The following PRKCH variants were observed in gnomAD, a reference collection of about 807,000 sequenced individuals.
The protein encoded by PRKCH is protein kinase C eta.
PRKCH carries 28 observed loss-of-function variants against 82.5 expected under a neutral mutation model. The observed-to-expected ratio is 0.34, with a 90% confidence interval of 0.25 to 0.47. The LOEUF (loss-of-function observed/expected upper bound fraction) is 0.47, where lower values mean the gene tolerates loss of function less well. PRKCH is among the 20% of genes least tolerant of loss of function. PRKCH has a pLI of 1.00. For synonymous variants in PRKCH, 322 were observed against 327.4 expected (o/e 0.98, Z 0.18); for missense variants, 705 against 881.8 (o/e 0.80, Z 2.54).
At chr14:61,384,298 G>T (rs924915041) in intron 1 of PRKCH, among the ~76,000 whole-genome samples, 1 of 152,184 alleles carries the variant, frequency 6.6e-6, no homozygotes, top group Non-Finnish European at 1.5e-5. Context: ...CCCTTAGAGA[G>T]AATCTGGCTC....
chr14:61,432,316 C>T (rs1461725267), intron 2 of PRKCH, among the ~76,000 whole-genome samples: 2 of 152,076 alleles, frequency 1.3e-5, no homozygotes, highest in Admixed American at 1.3e-4. Context: ...TATTTACTTA[C>T]ATGTTTATAA....
intron 2 of PRKCH, among the ~76,000 whole-genome samples, chr14:61,420,904 A>G: frequency 6.6e-6 from 1 of 152,116 alleles, no homozygotes; most frequent in Non-Finnish European, 1.5e-5. Flanking sequence ...TAACTTGCTT[A>G]GGAACTTGGG....
At chr14:61,320,554 G>A (rs2045602937), upstream of PRKCH, among the ~76,000 whole-genome samples, 1 of 152,114 alleles carries the variant, frequency 6.6e-6, no homozygotes, top group Non-Finnish European at 1.5e-5. Context: ...AGCCGAGATG[G>A]CGCCATTGCA....
At chr14:61,283,189 C>CT (rs1429938743) in intron 1 of PRKCH, among the ~76,000 whole-genome samples, 1 of 152,074 alleles carries the variant, frequency 6.6e-6, no homozygotes, top group African/African-American at 2.4e-5. Flanking sequence ...AATCTTAAGT[C>CT]TTTTTTCTAG....
In PRKCH at chr14:61,279,899, A is replaced by T. The variant is rs888109876; in HGVS notation, c.-19+92231A>T. On this transcript the variant is annotated intron_variant, in intron 1 of 3. Transcript: ENST00000555185. ...AAGGATGTTTCACTCTGCAGTCAAC[A>T]TCCCTCCCCGCGGCAAGACAGTCTA... The T allele has an allele frequency of 2.3e-5, 14 of 597,000 alleles. No individual in the cohort carries two copies. In the African/African-American group the frequency reaches 2.4e-4, roughly 10 times the overall value. The allele number at this position is 597,000 out of a possible 1,614,324, so 37.0% of individuals were successfully genotyped here. A position where few individuals can be genotyped will look rare whatever the true frequency, so the allele number is the denominator to read the frequency against.
chr14:61,373,996 T>C (rs1037806155), intron 1 of PRKCH, among the ~76,000 whole-genome samples: 1 of 152,110 alleles, frequency 6.6e-6, no homozygotes, highest in Non-Finnish European at 1.5e-5. Flanking sequence ...CCTATGAGCC[T>C]GTAAAATCAA....
chr14:61,258,641 A>G (rs1182612675), intron 1 of PRKCH, among the ~76,000 whole-genome samples: 2 of 152,182 alleles, frequency 1.3e-5, no homozygotes. Context: ...ATGATTTTAT[A>G]ATTATACTTC....
chr14:61,299,142 A>G (rs2045429227), intron 1 of PRKCH, among the ~76,000 whole-genome samples: 1 of 152,186 alleles, frequency 6.6e-6, no homozygotes, highest in Non-Finnish European at 1.5e-5. Context: ...CACCATGAGA[A>G]CACAGTGTAT....
chr14:61,208,628 G>A (rs2044545705), intron 1 of PRKCH, among the ~76,000 whole-genome samples: 1 of 152,192 alleles, frequency 6.6e-6, no homozygotes, highest in Non-Finnish European at 1.5e-5. Flanking sequence ...ATAGAGTCCT[G>A]AAGAGCGCGT....
At chr14:61,218,383 A>G (rs2044630006) in intron 1 of PRKCH, among the ~76,000 whole-genome samples, 2 of 152,026 alleles carry the variant, frequency 1.3e-5, no homozygotes, top group Non-Finnish European at 2.9e-5. Context: ...TGACTGAGCT[A>G]CCCCCTTTCT....
chr14:61,343,030 G>C (rs946246615), intron 1 of PRKCH, among the ~76,000 whole-genome samples: 4 of 152,220 alleles, frequency 2.6e-5, no homozygotes, highest in Non-Finnish European at 5.9e-5. Flanking sequence ...TGTTCTGAAA[G>C]AGGTGGTTTT....
At chr14:61,376,775 C>T (rs2046433041) in intron 1 of PRKCH, among the ~76,000 whole-genome samples, 1 of 152,186 alleles carries the variant, frequency 6.6e-6, no homozygotes, top group African/African-American at 2.4e-5. Flanking sequence ...AATGAAATTT[C>T]AGTTCTTAAC....
intron 1 of PRKCH, chr14:61,277,638 T>A (rs2045215728): frequency 6.6e-6 from 1 of 152,206 alleles, no homozygotes; most frequent in Non-Finnish European, 1.5e-5. Flanking sequence ...CAATAAATAA[T>A]TGCAATTTAT....
At chr14:61,193,973 A>G (rs1440372008) in intron 1 of PRKCH, among the ~76,000 whole-genome samples, 1 of 152,022 alleles carries the variant, frequency 6.6e-6, no homozygotes, top group African/African-American at 2.4e-5. Flanking sequence ...TAGGCCCACC[A>G]TGGCTGTCTA....
At chr14:61,419,706 G>A (rs949553559) in intron 2 of PRKCH, among the ~76,000 whole-genome samples, 1 of 152,184 alleles carries the variant, frequency 6.6e-6, no homozygotes, top group African/African-American at 2.4e-5. Flanking sequence ...GGGTTAAGTT[G>A]TCATTTTAAA....
At chr14:61,302,045 A>G (rs2045451521) in intron 1 of PRKCH, among the ~76,000 whole-genome samples, 1 of 152,162 alleles carries the variant, frequency 6.6e-6, no homozygotes, top group African/African-American at 2.4e-5. Flanking sequence ...TATTTCTTTA[A>G]CAGAGACAGG....
At chr14:61,192,877 C>G (rs1007668477) in intron 1 of PRKCH, among the ~76,000 whole-genome samples, 1 of 152,194 alleles carries the variant, frequency 6.6e-6, no homozygotes, top group Non-Finnish European at 1.5e-5. Flanking sequence ...TTCTGCAGTG[C>G]AGTTCTGTGA....
At chr14:61,416,696 T>TC (rs956551564) in intron 2 of PRKCH, among the ~76,000 whole-genome samples, 2 of 151,020 alleles carry the variant, frequency 1.3e-5, no homozygotes, top group Non-Finnish European at 2.9e-5. Context: ...CCTTTCCCCC[T>TC]CCCCCAAGAG....
At chr14:61,333,048 G>C (rs762838017) in intron 1 of PRKCH, among the ~76,000 whole-genome samples, 24 of 152,134 alleles carry the variant, frequency 1.6e-4, no homozygotes, top group Non-Finnish European at 2.9e-4. Flanking sequence ...AATTATTTTG[G>C]GAAGCGCACC....
Sources: allele counts gnomAD v4.1 joint callset (sites outside exome capture counted in the v4.1 genomes callset), GRCh38; gene constraint gnomAD v4.1.1; transcripts MANE v1.5; gene names NCBI Gene and HGNC (gene_info 2026-07-23, HGNC 2026-07-21).